ATF1: variants seen among roughly 807,000 people sequenced by gnomAD.
ATF1 encodes the protein activating transcription factor 1.
A neutral mutation model predicts 34.7 loss-of-function variants in ATF1; 16 were observed. The ratio of observed to expected loss-of-function variants is 0.46; its 90% confidence interval spans 0.31 to 0.70. The LOEUF (loss-of-function observed/expected upper bound fraction) is 0.70, where lower values mean the gene tolerates loss of function less well. Ranked by LOEUF, ATF1 falls within the 30% of genes least tolerant of loss-of-function variation. The pLI is 0.05. For synonymous variants in ATF1, 105 were observed against 113.1 expected, an observed-to-expected ratio of 0.93 and a Z score of 0.46; for missense variants, 255 against 321.6, an observed-to-expected ratio of 0.79 and a Z score of 1.58.
chr12:50,809,095 C>T (rs924102223), intron 3 of ATF1, among the ~76,000 whole-genome samples: 4 of 151,528 alleles, frequency 2.6e-5, no homozygotes, highest in African/African-American at 4.8e-5. Flanking sequence ...TTTTTGTGGC[C>T]GGGCATGGTG....
intron 3 of ATF1, among the ~76,000 whole-genome samples, chr12:50,803,804 T>C (rs1165693669): frequency 6.6e-6 from 1 of 152,238 alleles, no homozygotes; most frequent in Non-Finnish European, 1.5e-5. Context: ...TGCTACAACA[T>C]GGATAAACCT....
chr12:50,801,075 A>C (rs1400244368), intron 3 of ATF1, among the ~76,000 whole-genome samples: 3 of 152,252 alleles, frequency 2.0e-5, no homozygotes, highest in African/African-American at 7.2e-5. Context: ...AGCCTGGGCG[A>C]CAGAGCGAGA....
chr12:50,807,217 G>A (rs1592197067), intron 3 of ATF1, among the ~76,000 whole-genome samples: 1 of 151,922 alleles, frequency 6.6e-6, no homozygotes, highest in African/African-American at 2.4e-5. Context: ...AGAACAGCCT[G>A]GGCAACATAG....
chr12:50,781,339 T>C (rs187256144), intron 2 of ATF1, among the ~76,000 whole-genome samples: 1 of 152,318 alleles, frequency 6.6e-6, no homozygotes, highest in East Asian at 1.9e-4. Flanking sequence ...TAGAGAAATT[T>C]TTTTTCCTGA....
At chr12:50,773,307 T>C (rs962403732) in intron 1 of ATF1, among the ~76,000 whole-genome samples, 2 of 152,168 alleles carry the variant, frequency 1.3e-5, no homozygotes, top group Non-Finnish European at 2.9e-5. Flanking sequence ...GGTCAAATGG[T>C]ATTTCTACCT....
chr12:50,771,629 C>T (rs1019318251), intron 1 of ATF1, among the ~76,000 whole-genome samples: 1 of 152,098 alleles, frequency 6.6e-6, no homozygotes, highest in Non-Finnish European at 1.5e-5. Flanking sequence ...TGAACCAGAG[C>T]AACTCCATCT....
intron 1 of ATF1, 84 bp downstream of exon 1, chr12:50,764,391 G>C (rs1194871652): frequency 1.3e-5 from 2 of 151,198 alleles, no homozygotes; most frequent in South Asian, 2.1e-4. Context: ...GACGCAGCGC[G>C]GGTCGCGCGC....
intron 2 of ATF1, among the ~76,000 whole-genome samples, chr12:50,787,990 T>C (rs1418436323): frequency 2.0e-5 from 3 of 152,114 alleles, no homozygotes; most frequent in African/African-American, 4.8e-5. Flanking sequence ...GTAAGTATTG[T>C]AGAGATGAGT....
intron 1 of ATF1, chr12:50,764,595 C>T (rs1276630410): frequency 6.6e-6 from 1 of 152,350 alleles, no homozygotes; most frequent in Non-Finnish European, 1.5e-5. Context: ...GCTTTCGCCT[C>T]AGAAGCCGCC....
In ATF1 at chr12:50,814,024, A is replaced by C. The variant is rs761264373; in HGVS notation, c.343A>C (p.Asn115His). The C allele has an allele frequency of 1.3e-5, 21 of 1,612,946 alleles. No homozygotes were observed. Among genetic ancestry groups the C allele is most frequent in the Non-Finnish European group, 1.5e-5 (18 of 1,179,696 alleles). Residue 115 changes from asparagine (N) to histidine (H), a missense_variant, in exon 5 of 7, where the codon AAT becomes CAT. Physicochemically the swap from Asn to His is moderately conservative, Grantham distance 68. This residue lies in a region of ATF1 where 221 missense variants were observed against 250.7 expected (regional missense o/e 0.88). Coordinates refer to ENST00000262053, the MANE Select transcript of ATF1 (RefSeq NM_005171.5). ...SSGQYIAIAPNGALQLASPGT... is the reference protein window; with the variant it reads ...SSGQYIAIAPHGALQLASPGT... ...TTTGATTAAAGTTGCCATTGCCCCA[A>C]ATGGAGCCTTACAGTTGGCAAGTCC...
At chr12:50,793,421 C>T (rs1244734817) in intron 2 of ATF1, among the ~76,000 whole-genome samples, 4 of 151,904 alleles carry the variant, frequency 2.6e-5, no homozygotes, top group South Asian at 2.1e-4. Context: ...GTCAGGAGTT[C>T]GAGACCAGCC....
chr12:50,789,083 GTTT>G (rs986277342), intron 2 of ATF1, among the ~76,000 whole-genome samples: 1 of 145,562 alleles, frequency 6.9e-6, no homozygotes, highest in African/African-American at 2.5e-5. Flanking sequence ...TTTTTTTGTT[GTTT>G]TTTTTTTTCG....
chr12:50,777,906 G>A (rs1036440786), intron 1 of ATF1, among the ~76,000 whole-genome samples: 2 of 151,572 alleles, frequency 1.3e-5, no homozygotes, highest in African/African-American at 2.4e-5. Context: ...TCTAATTGTG[G>A]AGAAATATAC....
chr12:50,784,904 A>T (rs1234829954), intron 2 of ATF1, among the ~76,000 whole-genome samples: 3 of 150,716 alleles, frequency 2.0e-5, no homozygotes, highest in Non-Finnish European at 4.4e-5. Flanking sequence ...TTTATTATTT[A>T]TTATTATTAT....
chr12:50,809,005 TG>T (rs1489971640), intron 3 of ATF1, among the ~76,000 whole-genome samples: 2 of 151,984 alleles, frequency 1.3e-5, no homozygotes. Flanking sequence ...CCCAAAATGC[TG>T]GGATTACAGG....
rs148056963 is a variant in ATF1 at position 50,779,912 on chromosome 12, A to C, written c.-6-228A>C. On this transcript the variant is annotated intron_variant, in intron 1 of 6. Coordinates refer to ENST00000262053, the MANE Select transcript of ATF1 (RefSeq NM_005171.5). ...TGGGATAACGTTTGCAAACTTAGTC[A>C]TCATAATTTATGTTTATATGTGCCT... Among the ~76,000 whole-genome samples, 1,262 of 152,328 alleles carry C rather than the reference A, an allele frequency of 8.3e-3. 11 individuals are homozygous for C. The highest frequency in any genetic ancestry group is 0.017 in the Middle Eastern group (5 of 294).
chr12:50,792,867 T>TA (rs1303988646), intron 2 of ATF1, among the ~76,000 whole-genome samples: 2 of 152,130 alleles, frequency 1.3e-5, no homozygotes, highest in Non-Finnish European at 2.9e-5. Flanking sequence ...GGAGGTCAAA[T>TA]AAAAGAGTTC....
At chr12:50,819,609 A>G (rs1479367235) in intron 6 of ATF1, 26 bp from the exon 7 acceptor site, 8 of 1,603,232 alleles carry the variant, frequency 5.0e-6, no homozygotes, top group Non-Finnish European at 6.8e-6. Context: ...TTTTTCTAAC[A>G]TTGTTTTTTT....
chr12:50,786,976 T>A (rs150147642), intron 2 of ATF1, among the ~76,000 whole-genome samples: 155 of 152,320 alleles, frequency 1.0e-3, no homozygotes, highest in Middle Eastern at 3.4e-3. Flanking sequence ...AGCCCCACCC[T>A]AAGCAGAAAG....
Sources: allele counts gnomAD v4.1 joint callset (sites outside exome capture counted in the v4.1 genomes callset), GRCh38; gene constraint gnomAD v4.1.1; regional missense constraint gnomAD v4.1.1; transcripts MANE v1.5; gene names NCBI Gene and HGNC (gene_info 2026-07-23, HGNC 2026-07-21).